CTPS1: variants seen among roughly 807,000 people sequenced by gnomAD.
The protein encoded by CTPS1 is CTP synthetase 1.
A neutral mutation model predicts 80.5 loss-of-function variants in CTPS1; 25 were observed. That is an observed-to-expected ratio of 0.31 (90% CI 0.23 to 0.43). CTPS1 has a LOEUF of 0.43. CTPS1 is among the 20% of genes least tolerant of loss of function. CTPS1 has a pLI of 1.00. For missense variants in CTPS1, 442 were observed against 725.7 expected (o/e 0.61, Z 4.49); for synonymous variants, 267 against 252.5 (o/e 1.06, Z -0.54).
Position 41,010,247 on chromosome 1 carries a change from C to T in CTPS1, c.*2C>T. 1 of 1,607,980 alleles carries T rather than the reference C, an allele frequency of 6.2e-7. No individual in the cohort carries two copies. Among genetic ancestry groups the T allele is most frequent in the African/African-American group, 1.3e-5 (1 of 74,892 alleles). Reference sequence around the variant, plus strand: ...TTTCCATCAATAAATCATGACTGATCTTGTAGCGTAAGTGGTACTTTAAAG... The same window carrying T: ...TTTCCATCAATAAATCATGACTGATTTTGTAGCGTAAGTGGTACTTTAAAG... On this transcript the variant is annotated 3_prime_UTR_variant, in exon 18 of 19. Coordinates refer to ENST00000650070, the MANE Select transcript of CTPS1 (RefSeq NM_001905.4).
Position 40,984,929 on chromosome 1 carries a change from A to G in CTPS1, c.275A>G (p.Lys92Arg), listed in dbSNP as rs769195447. The G allele has an allele frequency of 6.2e-7, 1 of 1,605,202 alleles. No individual in the cohort carries two copies. Among genetic ancestry groups the G allele is most frequent in the Non-Finnish European group, 8.5e-7 (1 of 1,173,798 alleles). ...LTKDNNLTTG[K>R]IYQYVINKER... is the part of the protein sequence containing the mutation. Reference sequence around the variant, plus strand: ...AAGGACAATAATCTGACCACTGGAAAGATATACCAGTATGTCATTAACAAG... The same window carrying G: ...AAGGACAATAATCTGACCACTGGAAGGATATACCAGTATGTCATTAACAAG... The change falls in exon 3 of 19, where the codon AAG becomes AGG. Residue 92 changes from lysine (K) to arginine (R), a missense_variant. Lys to Arg is a conservative substitution (Grantham distance 26). Coordinates refer to ENST00000650070, the MANE Select transcript of CTPS1 (RefSeq NM_001905.4).
chr1:41,007,412 G>C lies in CTPS1; in HGVS notation c.1297-37G>C. 1 of 1,588,440 alleles carries C rather than the reference G, an allele frequency of 6.3e-7. No individual in the cohort carries two copies. Among genetic ancestry groups the C allele is most frequent in the African/African-American group, 1.3e-5 (1 of 74,492 alleles). On this transcript the variant is annotated intron_variant, in intron 13 of 18. Coordinates refer to ENST00000650070, the MANE Select transcript of CTPS1 (RefSeq NM_001905.4). The surrounding 1 kb of genome is among the most constrained non-coding windows in gnomAD (Gnocchi z 4.4). ...GAGGTTTCTCTCTAGCGGAAGCAGA[G>C]TTCTGTAGTTGGTGTCTGTTTTCTG...
chr1:41,005,290 C>CAA (rs1317796744), intron 12 of CTPS1, among the ~76,000 whole-genome samples: 6 of 151,570 alleles, frequency 4.0e-5, no homozygotes, highest in Non-Finnish European at 5.9e-5. Context: ...ACTAAAAATA[C>CAA]AAAGTTAGCT....
intron 1 of CTPS1, chr1:40,981,995 G>A (rs1642320502): frequency 1.6e-6 from 2 of 1,288,914 alleles, no homozygotes; most frequent in African/African-American, 1.5e-5. Flanking sequence ...CCATGCCAAA[G>A]TAAGCATTTT....
At chr1:40,992,961 T>A (rs1434178969) in intron 7 of CTPS1, among the ~76,000 whole-genome samples, 2 of 152,084 alleles carry the variant, frequency 1.3e-5, no homozygotes, top group Non-Finnish European at 2.9e-5. Flanking sequence ...CCCAAAGTGC[T>A]GGGATTACAG....
intron 7 of CTPS1, among the ~76,000 whole-genome samples, chr1:40,993,856 G>A (rs1253332703): frequency 7.8e-6 from 1 of 128,288 alleles, no homozygotes; most frequent in Admixed American, 1.1e-4. Flanking sequence ...TTGGCTCACT[G>A]CCATCTCTGT....
At chr1:40,987,265 C>T (rs2148391740) in intron 3 of CTPS1, 107 bp from the exon 4 acceptor site, 1 of 798,924 alleles carries the variant, frequency 1.3e-6, no homozygotes, top group Non-Finnish European at 2.2e-6. Context: ...CCTATTGCTA[C>T]TCTCTCCAGG....
chr1:41,010,172 G>C lies in CTPS1; in HGVS notation c.1703G>C (p.Ser568Thr). 1.2e-6 allele frequency: 2 copies of C among 1,613,484 alleles called. No individual in the cohort carries two copies. Among genetic ancestry groups the C allele is most frequent in the Non-Finnish European group, 1.7e-6 (2 of 1,179,364 alleles). Residue 568 changes from serine (S) to threonine (T), a missense_variant, in exon 18 of 19, where the codon AGT (serine) becomes ACT (threonine). Ser to Thr is a moderately conservative substitution (Grantham distance 58). Around this residue, in one of 4 missense-constraint regions of CTPS1, gnomAD observed 321 missense variants for 467.2 expected, o/e 0.69. Transcript: ENST00000650070. The stretch of plus-strand genomic sequence containing the variant: ...TCTGAATTCTACAGGGACACCTATA[G>C]TGACAGGAGTGGAAGCAGCTCCCCT... Reference protein sequence around the residue: ...GCRLSPRDTYSDRSGSSSPDS... With the variant: ...GCRLSPRDTYTDRSGSSSPDS...
In CTPS1 at chr1:40,979,734, C is replaced by G. The variant is rs1651762411; in HGVS notation, c.-109C>G. 1 of 152,268 alleles carries G rather than the reference C, an allele frequency of 6.6e-6. No individual in the cohort carries two copies. The highest frequency in any genetic ancestry group is 1.5e-5 in the Non-Finnish European group (1 of 68,112). The allele number at this position is 152,268 out of a possible 1,614,324, so 9.4% of individuals were successfully genotyped here. On this transcript the variant is annotated 5_prime_UTR_variant, in exon 1 of 19. Transcript: ENST00000650070. ...CCCGCCTCCGTGAAAGACTGCCGGG[C>G]GCATGCGGTCGGGGTTGTTCACTGG... is the stretch of plus-strand genomic sequence containing the variant.
At chr1:40,990,342 C>T (rs991074997) in intron 5 of CTPS1, among the ~76,000 whole-genome samples, 2 of 151,982 alleles carry the variant, frequency 1.3e-5, no homozygotes, top group African/African-American at 4.8e-5. Flanking sequence ...TGACAGATGA[C>T]CTACACCAAG....
At chr1:40,981,591 A>G (rs1204493803) in intron 1 of CTPS1, among the ~76,000 whole-genome samples, 1 of 152,218 alleles carries the variant, frequency 6.6e-6, no homozygotes, top group Non-Finnish European at 1.5e-5. Context: ...TTAGGGTCAG[A>G]TAAGCTTGGA....
intron 3 of CTPS1, among the ~76,000 whole-genome samples, chr1:40,985,644 T>C (rs142536098): frequency 6.6e-6 from 1 of 152,252 alleles, no homozygotes; most frequent in East Asian, 1.9e-4. Flanking sequence ...GAAAAGTGGC[T>C]TTAATCTGAG....
intron 1 of CTPS1, among the ~76,000 whole-genome samples, chr1:40,982,534 C>T (rs545114423): frequency 1.3e-5 from 2 of 152,222 alleles, no homozygotes; most frequent in Non-Finnish European, 2.9e-5. Flanking sequence ...GGACTACAGG[C>T]GTGCGCCATC....
Position 40,980,244 on chromosome 1 carries a change from C to T in CTPS1, c.-14+415C>T, listed in dbSNP as rs1487656900. On this transcript the variant is annotated intron_variant, in intron 1 of 18. Transcript: ENST00000650070. ...CCTTGCTCTTCGTCTGCGAGGAAGCCCGGCAGTCGCCCATCCATTCAAGCA... is the reference window on the plus strand; with the variant it reads ...CCTTGCTCTTCGTCTGCGAGGAAGCTCGGCAGTCGCCCATCCATTCAAGCA... 3 of 151,988 alleles carry T rather than the reference C, an allele frequency of 2.0e-5. No homozygotes were observed. The East Asian group carries it at 5.8e-4, about 29-fold the overall frequency. 9.4% of individuals were successfully genotyped at this position (151,988 alleles called of 1,614,324 possible). A position where few individuals can be genotyped will look rare whatever the true frequency, so the allele number is the denominator to read the frequency against.
chr1:40,995,789 T>C (rs1015922770), intron 7 of CTPS1, 128 bp from the exon 8 acceptor site: 1 of 847,660 alleles, frequency 1.2e-6, no homozygotes, highest in Non-Finnish European at 1.8e-6. Context: ...TTTAGTAGTT[T>C]ATCTAGAAAA....
At chr1:40,986,485 G>T (rs762452593) in intron 3 of CTPS1, among the ~76,000 whole-genome samples, 9 of 152,242 alleles carry the variant, frequency 5.9e-5, no homozygotes, top group Non-Finnish European at 2.9e-5. Flanking sequence ...GGAAGCCACC[G>T]AAAAGTTGAA....
rs1344002612 is a variant in CTPS1, at chr1:41,010,029, T to C, written c.1692-132T>C. The C allele has an allele frequency of 4.9e-6, 3 of 617,246 alleles. No individual in the cohort carries two copies. The African/African-American group carries it at 5.5e-5, about 11-fold the overall frequency. The allele number at this position is 617,246 out of a possible 1,614,324, so 38.2% of individuals were successfully genotyped here. ...TTCTGCAGTTTCATGTTAAATATAT[T>C]ATGTAGCAAACAGTCTTTGTGATTC... On this transcript the variant is annotated intron_variant, in intron 17 of 18. Coordinates refer to ENST00000650070, the MANE Select transcript of CTPS1 (RefSeq NM_001905.4).
chr1:40,996,680 GAGA>G (rs1232098216), intron 8 of CTPS1, among the ~76,000 whole-genome samples: 1 of 152,224 alleles, frequency 6.6e-6, no homozygotes, highest in Non-Finnish European at 1.5e-5. Flanking sequence ...GTTGCTCTGT[GAGA>G]ATCATTTTTC....
intron 6 of CTPS1, 44 bp from the exon 7 acceptor site, chr1:40,991,721 T>C (rs371960232): frequency 1.5e-5 from 21 of 1,405,654 alleles, no homozygotes; most frequent in Non-Finnish European, 3.0e-6. Flanking sequence ...CCTACTTCTG[T>C]CATTTTTTCC....
Sources: allele counts gnomAD v4.1 joint callset (sites outside exome capture counted in the v4.1 genomes callset), GRCh38; gene constraint gnomAD v4.1.1; regional missense constraint gnomAD v4.1.1; non-coding constraint Gnocchi (gnomAD v3.1); transcripts MANE v1.5; gene names NCBI Gene and HGNC (gene_info 2026-07-23, HGNC 2026-07-21).